Variants in ARL15 observed in about 807,000 individuals in gnomAD.
ARL15 encodes the protein ADP-ribosylation factor-like protein 15.
In ARL15, 19 loss-of-function variants were observed where a neutral mutation model predicts 25.2. The ratio of observed to expected loss-of-function variants is 0.75; its 90% CI spans 0.53 to 1.10. ARL15 has a LOEUF of 1.10. Among genes scored for constraint, ARL15 ranks in the 50% least tolerant of loss-of-function variants. The pLI, the probability that ARL15 is intolerant of heterozygous loss-of-function variation, is 0.00. For missense variants in ARL15, 220 were observed against 246.0 expected (o/e 0.89, Z 0.71); for synonymous variants, 94 against 86.8 (o/e 1.08, Z -0.46).
rs529279510 is a variant in ARL15 at position 53,899,918 on chromosome 5, T to A, written c.463-13205A>T. Among the ~76,000 whole-genome samples, 287 of 152,318 alleles carry A rather than the reference T, an allele frequency of 1.9e-3. 2 individuals are homozygous for A. Among genetic ancestry groups the A allele is most frequent in the African/African-American group, 6.7e-3 (278 of 41,562 alleles). ...TTACTTTTTTCCTCCCTACATCTAT[T>A]TATCCAATTCTACATTGCGGAGTTC... On this transcript the variant is annotated intron_variant, in intron 4 of 4. Transcript: ENST00000504924.
At chr5:54,125,232 C>T (rs2112257729) in intron 3 of ARL15, among the ~76,000 whole-genome samples, 1 of 152,140 alleles carries the variant, frequency 6.6e-6, no homozygotes, top group East Asian at 1.9e-4. Context: ...CGGGGTTTCG[C>T]CATGTTGGTC....
Position 53,891,746 on chromosome 5 carries a change from T to C in ARL15, c.463-5033A>G, listed in dbSNP as rs375311435. 3.5e-4 allele frequency among the ~76,000 whole-genome samples: 53 copies of C among 152,262 alleles called. No individual in the cohort carries two copies. The East Asian group carries it at 9.9e-3, about 28-fold the overall frequency. ...CCTTCTTAAGCCTGCGAGGTGGTTG[T>C]GGTGGGGTCAGGATCTATCTAAGGA... On this transcript the variant is annotated intron_variant, in intron 4 of 4. Coordinates refer to ENST00000504924, the MANE Select transcript of ARL15 (RefSeq NM_019087.3).
chr5:54,070,208 C>T lies in ARL15; in HGVS notation c.462+42994G>A, dbSNP rs1023798925. On this transcript the variant is annotated intron_variant, in intron 4 of 4. Transcript: ENST00000504924. ...GAGATCAAGACCATCCTGGCTAACACGGTGAAACCCCATCTCTACTAAAAA... is the reference window on the plus strand; with the variant it reads ...GAGATCAAGACCATCCTGGCTAACATGGTGAAACCCCATCTCTACTAAAAA... 4.7e-5 allele frequency among the ~76,000 whole-genome samples: 7 copies of T among 150,318 alleles called. No individual in the cohort carries two copies. The South Asian group carries it at 8.4e-4, about 18-fold the overall frequency.
chr5:54,301,830 A>G (rs2112713694), intron 1 of ARL15, among the ~76,000 whole-genome samples: 1 of 152,328 alleles, frequency 6.6e-6, no homozygotes, highest in South Asian at 2.1e-4. Context: ...GGACATAATT[A>G]GTGGGATAAG....
intron 1 of ARL15, among the ~76,000 whole-genome samples, chr5:54,221,097 T>C (rs1756361381): frequency 6.6e-6 from 1 of 152,210 alleles, no homozygotes; most frequent in African/African-American, 2.4e-5. Context: ...TTATCTTCAA[T>C]CTGTATCACA....
intron 4 of ARL15, among the ~76,000 whole-genome samples, chr5:53,958,183 C>G (rs1176837014): frequency 7.9e-6 from 1 of 127,038 alleles, no homozygotes; most frequent in African/African-American, 3.0e-5. Flanking sequence ...GACTCTGTCT[C>G]AAAAAAAAGA....
chr5:54,235,437 T>C (rs1756775557), intron 1 of ARL15, among the ~76,000 whole-genome samples: 2 of 151,966 alleles, frequency 1.3e-5, no homozygotes, highest in Non-Finnish European at 1.5e-5. Context: ...TTTTAAAAAA[T>C]GTACGCACGT....
At chr5:54,251,450 G>A (rs542751680) in intron 1 of ARL15, among the ~76,000 whole-genome samples, 1 of 152,298 alleles carries the variant, frequency 6.6e-6, no homozygotes, top group East Asian at 1.9e-4. Context: ...GCAACAGTTT[G>A]TAATATGGTA....
intron 4 of ARL15, among the ~76,000 whole-genome samples, chr5:53,956,315 A>G (rs896419568): frequency 4.6e-5 from 7 of 152,042 alleles, no homozygotes; most frequent in African/African-American, 1.7e-4. Context: ...CAACAACAAC[A>G]AAACCCTGAA....
intron 4 of ARL15, among the ~76,000 whole-genome samples, chr5:53,955,701 A>G (rs900709773): frequency 2.0e-5 from 3 of 152,346 alleles, no homozygotes; most frequent in Non-Finnish European, 2.9e-5. Context: ...TAACAGTTGC[A>G]TATGTTCTGG....
At chr5:53,942,457 T>C (rs747465810) in intron 4 of ARL15, among the ~76,000 whole-genome samples, 13 of 152,144 alleles carry the variant, frequency 8.5e-5, no homozygotes, top group Non-Finnish European at 1.3e-4. Flanking sequence ...TTTAAAACCA[T>C]GGACCAAGGA....
At chr5:54,197,645 C>A (rs1755589782) in intron 1 of ARL15, among the ~76,000 whole-genome samples, 2 of 152,010 alleles carry the variant, frequency 1.3e-5, no homozygotes, top group Non-Finnish European at 1.5e-5. Context: ...GAAATTGTGG[C>A]AATAATCAAT....
chr5:54,209,673 A>G (rs1244964274), intron 1 of ARL15, among the ~76,000 whole-genome samples: 1 of 150,596 alleles, frequency 6.6e-6, no homozygotes, highest in Non-Finnish European at 1.5e-5. Context: ...GGTCGTCTTT[A>G]GCTTAAAGCA....
At position 54,128,189 on chromosome 5, in the gene ARL15, A is replaced by T. The variant is rs142630966; in HGVS notation, c.254-14779T>A. Among the ~76,000 whole-genome samples, 412 of 152,280 alleles carry T rather than the reference A, an allele frequency of 2.7e-3. 2 individuals are homozygous for T. The highest frequency in any genetic ancestry group is 8.4e-3 in the Admixed American group (129 of 15,302). Reference sequence around the variant, plus strand: ...TTCAAGCCTGAACCCAAACATTATGACCTTGTGAAGCCTTCCTTAATTTTA... The same window carrying T: ...TTCAAGCCTGAACCCAAACATTATGTCCTTGTGAAGCCTTCCTTAATTTTA... On this transcript the variant is annotated intron_variant, in intron 3 of 4. Transcript: ENST00000504924.
rs2111875336 is a variant in ARL15, at chr5:53,886,365, T to C, written c.*196A>G. The C allele has an allele frequency of 1.8e-6, 1 of 569,154 alleles. No individual in the cohort carries two copies. The highest frequency in any genetic ancestry group is 3.0e-5 in the East Asian group (1 of 33,380). The allele number at this position is 569,154 out of a possible 1,614,324, so 35.3% of individuals were successfully genotyped here. ...GAGAATAAATTCTCTCTCAGTAGTG[T>C]GTACTTGACGTTAATGCCGATGATA... On this transcript the variant is annotated 3_prime_UTR_variant, in exon 5 of 5. Transcript: ENST00000504924.
rs59145507 is a variant in ARL15 at position 53,899,347 on chromosome 5, CAAAAAAAAAAAAAAAAAAAAAAAA to C, written c.463-12658_463-12635del. ...TGGGTAACAGAGTGAGACTCTATCC[CAAAAAAAAAAAAAAAAAAAAAAAA>C]AAAAAAAAAAAAAAAATAGATTTGT... On this transcript the variant is annotated intron_variant, in intron 4 of 4. Coordinates refer to ENST00000504924, the MANE Select transcript of ARL15 (RefSeq NM_019087.3). Among the ~76,000 whole-genome samples the C allele has an allele frequency of 4.9e-4, 44 of 89,378 alleles. No homozygotes were observed. The East Asian group carries it at 6.1e-3, about 12-fold the overall frequency. The allele number at this position is 89,378 out of a possible 152,430, so 58.6% of individuals were successfully genotyped here. A position where few individuals can be genotyped will look rare whatever the true frequency, so the allele number is the denominator to read the frequency against.
chr5:53,972,585 A>T (rs551131264), intron 4 of ARL15, among the ~76,000 whole-genome samples: 34 of 152,258 alleles, frequency 2.2e-4, no homozygotes, highest in Admixed American at 8.5e-4. Flanking sequence ...TACGTCAAAA[A>T]CAGTTGAATT....
intron 1 of ARL15, among the ~76,000 whole-genome samples, chr5:54,184,439 T>TAA (rs527755025): frequency 5.4e-4 from 37 of 69,110 alleles, no homozygotes; most frequent in Non-Finnish European, 6.1e-4. Context: ...ACACTGTCTT[T>TAA]AAAAAAAAAA....
At chr5:54,116,080 A>C (rs533342662) in intron 3 of ARL15, among the ~76,000 whole-genome samples, 1 of 152,338 alleles carries the variant, frequency 6.6e-6, no homozygotes, top group Admixed American at 6.5e-5. Flanking sequence ...GCATGGATTG[A>C]ACCACAGAAG....
Sources: gnomAD v4.1 joint callset for allele counts (sites outside exome capture counted in the v4.1 genomes callset) on GRCh38, gnomAD v4.1.1 for gene constraint, MANE v1.5 for transcripts, NCBI Gene and HGNC (gene_info 2026-07-23, HGNC 2026-07-21) for gene names.